The following FAM83B variants were observed in gnomAD, a reference collection of about 807,000 sequenced individuals.
FAM83B encodes scaffolding CK1 anchoring protein B.
FAM83B carries 26 observed loss-of-function variants against 38.8 expected under a neutral mutation model. The ratio of observed to expected loss-of-function variants is 0.67; its 90% CI spans 0.49 to 0.93. FAM83B has a LOEUF of 0.93. Among genes scored for constraint, FAM83B ranks in the 40% least tolerant of loss-of-function variants. The pLI, the probability that FAM83B is intolerant of heterozygous loss-of-function variation, is 0.00. For synonymous variants in FAM83B, 419 were observed against 423.1 expected, an observed-to-expected ratio of 0.99 and a Z score of 0.12; for missense variants, 1,237 against 1,197.3, an observed-to-expected ratio of 1.03 and a Z score of -0.49.
chr6:54,888,595 TTCAGTTGTAAACTC>T, intron 2 of FAM83B, among the ~76,000 whole-genome samples: 1 of 152,154 alleles, frequency 6.6e-6, no homozygotes, highest in African/African-American at 2.4e-5. Context: ...CCTTCATAGT[TTCAGTTGTAAACTC>T]TTCTGACTTT....
chr6:54,870,505 T>G lies in FAM83B; in HGVS notation c.259T>G (p.Leu87Val). The G allele has an allele frequency of 6.2e-7, 1 of 1,614,070 alleles. No homozygotes were observed. Among genetic ancestry groups the G allele is most frequent in the Non-Finnish European group, 8.5e-7 (1 of 1,179,972 alleles). Residue 87 changes from leucine (L) to valine (V), a missense_variant, in exon 2 of 5, where the codon TTA (leucine) becomes GTA (valine). Physicochemically the swap from Leu to Val is conservative, Grantham distance 32. Coordinates refer to ENST00000306858, the MANE Select transcript of FAM83B (RefSeq NM_001010872.3). ...HGTDDSCDDT[L>V]SSGTYWPVES... ...TACTGATGATTCCTGTGATGATACCTTATCTTCAGGGACCTACTGGCCTGT... is the reference window on the plus strand; with the variant it reads ...TACTGATGATTCCTGTGATGATACCGTATCTTCAGGGACCTACTGGCCTGT...
intron 2 of FAM83B, among the ~76,000 whole-genome samples, chr6:54,904,403 C>T (rs1041720831): frequency 3.9e-5 from 6 of 152,084 alleles, no homozygotes; most frequent in African/African-American, 1.4e-4. Context: ...GTGCTGTCGT[C>T]CAAAGATTAA....
chr6:54,863,360 A>C (rs539315510), intron 1 of FAM83B, among the ~76,000 whole-genome samples: 1 of 152,290 alleles, frequency 6.6e-6, no homozygotes, highest in Non-Finnish European at 1.5e-5. Context: ...GCACATGTAC[A>C]CTTGAGGGCC....
In FAM83B at chr6:54,941,647, A is replaced by G. The variant is rs777882042; in HGVS notation, c.2676A>G (p.Glu892=). The G allele has an allele frequency of 6.2e-7, 1 of 1,614,154 alleles. No homozygotes were observed. ...GDASAPRFNT[E]QIQYRDSREI... ...CCTCTGCCCCAAGATTTAACACTGA[A>G]CAGATCCAATACCGAGATTCAAGGG... Residue 892 remains glutamate, a synonymous_variant, in exon 5 of 5, where the codon GAA becomes GAG. Transcript: ENST00000306858.
At chr6:54,857,971 T>G (rs1384602991) in intron 1 of FAM83B, among the ~76,000 whole-genome samples, 1 of 152,086 alleles carries the variant, frequency 6.6e-6, no homozygotes, top group Non-Finnish European at 1.5e-5. Flanking sequence ...ATGTTAGGTG[T>G]AAAGAAAGAA....
chr6:54,879,226 G>A (rs1772068514), intron 2 of FAM83B, among the ~76,000 whole-genome samples: 1 of 152,212 alleles, frequency 6.6e-6, no homozygotes, highest in Non-Finnish European at 1.5e-5. Flanking sequence ...CAAATAGACT[G>A]ACTTGGAGAA....
intron 2 of FAM83B, among the ~76,000 whole-genome samples, chr6:54,902,646 G>A (rs1486140275): frequency 6.7e-6 from 1 of 148,676 alleles, no homozygotes; most frequent in Non-Finnish European, 1.5e-5. Flanking sequence ...CTAAGATTAA[G>A]AGGACCATAG....
At chr6:54,928,230 A>G (rs1212603351) in intron 4 of FAM83B, among the ~76,000 whole-genome samples, 1 of 152,166 alleles carries the variant, frequency 6.6e-6, no homozygotes, top group African/African-American at 2.4e-5. Context: ...CTGCTAGGTC[A>G]CTGAGGCAGG....
chr6:54,853,949 C>G (rs184865376), intron 1 of FAM83B, among the ~76,000 whole-genome samples: 140 of 152,280 alleles, frequency 9.2e-4, no homozygotes, highest in African/African-American at 3.3e-3. Flanking sequence ...GTCAAAATAT[C>G]AACATTAACA....
chr6:54,940,510 A>T lies in FAM83B; in HGVS notation c.1539A>T (p.Gly513=), dbSNP rs754426016. ...CAGAAGCTACACCGGACTCAAATGG[A>T]TCAGCTTTAGGTGACCGATTTGAGG... ...DHSEATPDSN[G]SALGDRFEGY... is the part of the protein sequence containing the mutation. The change falls in exon 5 of 5, where the codon GGA becomes GGT. Residue 513 remains glycine, a synonymous_variant. Coordinates refer to ENST00000306858, the MANE Select transcript of FAM83B (RefSeq NM_001010872.3). The T allele has an allele frequency of 4.6e-5, 75 of 1,613,990 alleles. No homozygotes were observed. The highest frequency in any genetic ancestry group is 6.0e-5 in the Non-Finnish European group (71 of 1,180,016).
intron 2 of FAM83B, among the ~76,000 whole-genome samples, chr6:54,923,122 T>G (rs1773208555): frequency 6.6e-6 from 1 of 152,136 alleles, no homozygotes; most frequent in African/African-American, 2.4e-5. Context: ...GCCATTTTTT[T>G]CATCCATTAT....
chr6:54,931,555 A>C (rs192984218), intron 4 of FAM83B, among the ~76,000 whole-genome samples: 17 of 151,726 alleles, frequency 1.1e-4, no homozygotes, highest in Admixed American at 2.6e-4. Flanking sequence ...ATTCTTCTTT[A>C]TCTCTTATAA....
intron 1 of FAM83B, among the ~76,000 whole-genome samples, chr6:54,851,244 C>G (rs1160552558): frequency 6.7e-6 from 1 of 150,202 alleles, no homozygotes; most frequent in Non-Finnish European, 1.5e-5. Flanking sequence ...CTCCTTTTGT[C>G]CCTTCTCTTC....
intron 1 of FAM83B, among the ~76,000 whole-genome samples, chr6:54,863,203 A>G (rs1168902079): frequency 3.9e-5 from 6 of 152,332 alleles, no homozygotes; most frequent in South Asian, 2.1e-4. Context: ...CTGCTTAATT[A>G]TGCACATAAA....
chr6:54,932,340 T>C (rs1351171128), intron 4 of FAM83B, among the ~76,000 whole-genome samples: 1 of 152,154 alleles, frequency 6.6e-6, no homozygotes, highest in Non-Finnish European at 1.5e-5. Context: ...AGTAATAGCA[T>C]TTTATTTTAA....
At chr6:54,847,010 T>A (rs1293425732) in intron 1 of FAM83B, among the ~76,000 whole-genome samples, 184 bp downstream of exon 1, 1 of 151,938 alleles carries the variant, frequency 6.6e-6, no homozygotes, top group Non-Finnish European at 1.5e-5. Context: ...TTCCACAGGG[T>A]GTAAAGCTCA....
At chr6:54,910,362 G>A (rs368678276) in intron 2 of FAM83B, among the ~76,000 whole-genome samples, 11 of 152,234 alleles carry the variant, frequency 7.2e-5, no homozygotes, top group African/African-American at 2.6e-4. Context: ...TCTGAAATCC[G>A]AATTCATTGT....
rs1773674889 is a variant in FAM83B, at chr6:54,941,076, A to G, written c.2105A>G (p.Asp702Gly). Residue 702 changes from aspartate to glycine, a missense_variant, in exon 5 of 5, where the codon GAT becomes GGT. Asp to Gly is a moderately conservative substitution (Grantham distance 94). Coordinates refer to ENST00000306858, the MANE Select transcript of FAM83B (RefSeq NM_001010872.3). The stretch of plus-strand genomic sequence containing the variant: ...AGACAACCAGAAAAGCCCAAAGAAG[A>G]TTTGCTGAAAAGTTCTAAAAGCATG... Reference protein sequence around the residue: ...RVRQPEKPKEDLLKSSKSMHN... With the variant: ...RVRQPEKPKEGLLKSSKSMHN... 1 of 1,613,300 alleles carries G rather than the reference A, an allele frequency of 6.2e-7. No individual in the cohort carries two copies. Among genetic ancestry groups the G allele is most frequent in the Non-Finnish European group, 8.5e-7 (1 of 1,179,838 alleles).
At chr6:54,847,215 A>G (rs1193752123) in intron 1 of FAM83B, among the ~76,000 whole-genome samples, 2 of 142,642 alleles carry the variant, frequency 1.4e-5, no homozygotes, top group Non-Finnish European at 3.0e-5. Flanking sequence ...GCGGGAGGAG[A>G]GACCGCTGGG....
Sources: gnomAD v4.1 joint callset for allele counts (sites outside exome capture counted in the v4.1 genomes callset) on GRCh38, gnomAD v4.1.1 for gene constraint, MANE v1.5 for transcripts, NCBI Gene and HGNC (gene_info 2026-07-23, HGNC 2026-07-21) for gene names.